Variants in DYNC2H1 observed in about 807,000 individuals in gnomAD.
The protein encoded by DYNC2H1 is cytoplasmic dynein 2 heavy chain 1.
DYNC2H1 carries 410 observed loss-of-function variants against 570.0 expected under a neutral mutation model. The observed-to-expected ratio is 0.72, with a 90% CI of 0.66 to 0.78. The LOEUF (loss-of-function observed/expected upper bound fraction) is 0.78. Among genes scored for constraint, DYNC2H1 ranks in the 30% least tolerant of loss-of-function variants. The pLI, the probability that DYNC2H1 is intolerant of heterozygous loss-of-function variation, is 0.00. For missense variants in DYNC2H1, 4,865 were observed against 5,046.4 expected (o/e 0.96, Z 1.09); for synonymous variants, 1,688 against 1,677.6 (o/e 1.01, Z -0.15).
rs144176925 is a variant in DYNC2H1, at chr11:103,462,899, A to G, written c.12649-5690A>G. Among the ~76,000 whole-genome samples, 31 of 152,332 alleles carry G rather than the reference A, an allele frequency of 2.0e-4. No individual in the cohort carries two copies. In the East Asian group the frequency reaches 6.0e-3, roughly 29 times the overall value. ...GAGGAGGGGGTAAACCTTAATAGTG[A>G]AGTGTAGCGTCATACACAAAAATGT... On this transcript the variant is annotated intron_variant, in intron 87 of 88. Coordinates refer to ENST00000375735, the MANE Select transcript of DYNC2H1 (RefSeq NM_001377.3).
chr11:103,414,396 GGATCACGA>G (rs111406910), intron 84 of DYNC2H1, among the ~76,000 whole-genome samples: 23,131 of 152,108 alleles, frequency 0.15, 1,931 homozygotes, highest in Admixed American at 0.24. Flanking sequence ...CGAGGCACAT[GGATCACGA>G]GGTCAGGAGT....
At position 103,125,104 on chromosome 11, in the gene DYNC2H1, G is replaced by A; in HGVS notation, c.1666G>A (p.Glu556Lys). The change falls in exon 12 of 89, where the codon GAG (glutamate) becomes AAG (lysine). Residue 556 changes from glutamate to lysine, a missense_variant. This residue lies in a region of DYNC2H1 where 1,936 missense variants were observed against 1,962.1 expected (regional missense o/e 0.99). Coordinates refer to ENST00000375735, the MANE Select transcript of DYNC2H1 (RefSeq NM_001377.3). ...GTTATTTATTTTGTTTTATAGTATT[G>A]AGGCTAGTAGTCGAATTATGGAATT... ...LSDSRSGLCIEASSRIMELDS... is the reference protein window; with the variant it reads ...LSDSRSGLCIKASSRIMELDS... 1 of 1,609,694 alleles carries A rather than the reference G, an allele frequency of 6.2e-7. No individual in the cohort carries two copies. Among genetic ancestry groups the A allele is most frequent in the Non-Finnish European group, 8.5e-7 (1 of 1,176,996 alleles).
At chr11:103,322,362 A>C (rs1264672954) in intron 81 of DYNC2H1, among the ~76,000 whole-genome samples, 1 of 152,166 alleles carries the variant, frequency 6.6e-6, no homozygotes, top group Non-Finnish European at 1.5e-5. Flanking sequence ...ATACATCCTA[A>C]GTGCACAATT....
chr11:103,127,983 G>A (rs1859082108), intron 12 of DYNC2H1, among the ~76,000 whole-genome samples: 1 of 152,224 alleles, frequency 6.6e-6, no homozygotes, highest in Non-Finnish European at 1.5e-5. Context: ...ATGCCTTGAT[G>A]AAGAGGTAAC....
In DYNC2H1 at chr11:103,156,647, T is replaced by TA; in HGVS notation, c.4005dup (p.Asp1336ArgfsTer2). The TA allele has an allele frequency of 6.2e-7, 1 of 1,613,578 alleles. No individual in the cohort carries two copies. The highest frequency in any genetic ancestry group is 1.7e-5 in the Admixed American group (1 of 59,972). ...ATTTGGGAAAGAAAACTTGCAGAGT[T>TA]AGATGAATACCTGCAGAATTTAAAT... On this transcript the variant is annotated frameshift_variant, in exon 26 of 89. Coordinates refer to ENST00000375735, the MANE Select transcript of DYNC2H1 (RefSeq NM_001377.3). LOFTEE classifies it high-confidence loss of function.
At position 103,220,627 on chromosome 11, in the gene DYNC2H1, T is replaced by C. The variant is rs1435752874; in HGVS notation, c.8951T>C (p.Leu2984Ser). Reference sequence around the variant, plus strand: ...AATGGCCTTTTTCTCTTTTAGCCTTTAGTCAATGAAGCTAAACTAGCAGTT... The same window carrying C: ...AATGGCCTTTTTCTCTTTTAGCCTTCAGTCAATGAAGCTAAACTAGCAGTT... The part of the protein sequence containing the change: ...IDDELKEVQP[L>S]VNEAKLAVGN... Residue 2984 changes from leucine (L) to serine (S), a missense_variant, in exon 57 of 89, where the codon TTA becomes TCA. By Grantham distance (145) the Leu-to-Ser change is moderately radical. Coordinates refer to ENST00000375735, the MANE Select transcript of DYNC2H1 (RefSeq NM_001377.3). The C allele has an allele frequency of 1.9e-6, 3 of 1,602,200 alleles. No individual in the cohort carries two copies. In the East Asian group the frequency reaches 6.7e-5, roughly 36 times the overall value.
chr11:103,330,992 C>G (rs2135460317), intron 82 of DYNC2H1, among the ~76,000 whole-genome samples: 1 of 152,232 alleles, frequency 6.6e-6, no homozygotes, highest in South Asian at 2.1e-4. Context: ...ACTCTTTTGA[C>G]AATAGAAGCC....
Position 103,358,337 on chromosome 11 carries a change from A to G in DYNC2H1, c.12134A>G (p.Asn4045Ser), listed in dbSNP as rs1240773181. The G allele has an allele frequency of 3.2e-6, 5 of 1,578,446 alleles. No homozygotes were observed. Among genetic ancestry groups the G allele is most frequent in the African/African-American group, 1.3e-5 (1 of 74,326 alleles). ...TCTAATGAACTTTCTCCTGTCCTCA[A>G]TCTCTGGAAGAAACTAAACCAGGTT... ...IWSNELSPVLNLWKKLNQNSN... is the reference protein window; with the variant it reads ...IWSNELSPVLSLWKKLNQNSN... The change falls in exon 83 of 89, where the codon AAT becomes AGT. Residue 4045 changes from asparagine (N) to serine (S), a missense_variant. Asn to Ser is a conservative substitution (Grantham distance 46). Coordinates refer to ENST00000375735, the MANE Select transcript of DYNC2H1 (RefSeq NM_001377.3).
rs919528634 is a variant in DYNC2H1, at chr11:103,185,424, A to G, written c.6633+373A>G. On this transcript the variant is annotated intron_variant, in intron 41 of 88. Coordinates refer to ENST00000375735, the MANE Select transcript of DYNC2H1 (RefSeq NM_001377.3). This position sits in a 1 kb window ranked among gnomAD's most constrained non-coding sequence, Gnocchi z 4.5. Reference sequence around the variant, plus strand: ...ACTAGAGCAGTTTTAGGAATTGGGAATATTAGGATGAATTAATTATTAATA... The same window carrying G: ...ACTAGAGCAGTTTTAGGAATTGGGAGTATTAGGATGAATTAATTATTAATA... 6.6e-5 allele frequency among the ~76,000 whole-genome samples: 10 copies of G among 151,876 alleles called. No individual in the cohort carries two copies. The highest frequency in any genetic ancestry group is 2.4e-4 in the African/African-American group (10 of 41,398).
chr11:103,265,593 A>G (rs1358418889), intron 70 of DYNC2H1, among the ~76,000 whole-genome samples: 1 of 152,114 alleles, frequency 6.6e-6, no homozygotes, highest in East Asian at 1.9e-4. Context: ...ATTGCCTTTC[A>G]ATGTATTCCT....
rs1386716213 is a variant in DYNC2H1 at position 103,200,144 on chromosome 11, T to G, written c.8187T>G (p.Leu2729=). The change falls in exon 50 of 89, where the codon CTT becomes CTG. Residue 2729 remains leucine (L), a synonymous_variant. Transcript: ENST00000375735. ...HPTFLEMINS[L]LSSGEVPGLY... is the part of the protein sequence containing the mutation. ...CATTTTTGGAGATGATCAATAGCCTTTTGTCTTCAGGCAAGTGAACAGTTT... is the reference window on the plus strand; with the variant it reads ...CATTTTTGGAGATGATCAATAGCCTGTTGTCTTCAGGCAAGTGAACAGTTT... The G allele has an allele frequency of 8.9e-6, 14 of 1,566,390 alleles. No individual in the cohort carries two copies. The highest frequency in any genetic ancestry group is 1.2e-5 in the Non-Finnish European group (14 of 1,153,782).
intron 88 of DYNC2H1, among the ~76,000 whole-genome samples, chr11:103,470,114 A>G (rs1459314557): frequency 6.6e-6 from 1 of 152,176 alleles, no homozygotes; most frequent in Non-Finnish European, 1.5e-5. Flanking sequence ...ATAGGAGACA[A>G]TGACCTGGAG....
chr11:103,236,941 T>C (rs1864245827), intron 63 of DYNC2H1, among the ~76,000 whole-genome samples: 3 of 152,026 alleles, frequency 2.0e-5, no homozygotes, highest in Admixed American at 1.3e-4. Flanking sequence ...AAGATAAGTT[T>C]TGGCTTATCA....
rs544490855 is a variant in DYNC2H1 at position 103,241,291 on chromosome 11, G to T, written c.9820-2402G>T. ...ATAGTAGATGAAGTAACGAACAAATGAGTAAATAAATGAAAGCTCAACATT... is the reference window on the plus strand; with the variant it reads ...ATAGTAGATGAAGTAACGAACAAATTAGTAAATAAATGAAAGCTCAACATT... On this transcript the variant is annotated intron_variant, in intron 63 of 88. Transcript: ENST00000375735. This position sits in a 1 kb window ranked among gnomAD's most constrained non-coding sequence, Gnocchi z 5.1. 1.3e-5 allele frequency among the ~76,000 whole-genome samples: 2 copies of T among 152,234 alleles called. No homozygotes were observed. Among genetic ancestry groups the T allele is most frequent in the African/African-American group, 4.8e-5 (2 of 41,550 alleles).
At chr11:103,222,786 T>C (rs562821981) in intron 58 of DYNC2H1, among the ~76,000 whole-genome samples, 179 bp from the exon 59 acceptor site, 2 of 152,338 alleles carry the variant, frequency 1.3e-5, no homozygotes, top group South Asian at 4.1e-4. Flanking sequence ...AAAATAGAGT[T>C]CATGTATATT....
At chr11:103,436,798 C>T (rs12295090) in intron 85 of DYNC2H1, among the ~76,000 whole-genome samples, 6,126 of 152,202 alleles carry the variant, frequency 0.04, 417 homozygotes, top group African/African-American at 0.14. Context: ...TTTCCAGTCT[C>T]TTCCTGTTCA....
chr11:103,252,733 T>C lies in DYNC2H1; in HGVS notation c.10043-552T>C, dbSNP rs988975871. Among the ~76,000 whole-genome samples, 2 of 152,218 alleles carry C rather than the reference T, an allele frequency of 1.3e-5. No homozygotes were observed. The highest frequency in any genetic ancestry group is 2.9e-5 in the Non-Finnish European group (2 of 68,034). ...TTGAATTGTATGAGTTTTTTCTTTA[T>C]ACATTTTGGATATTAACCCCTTATC... On this transcript the variant is annotated intron_variant, in intron 65 of 88. Coordinates refer to ENST00000375735, the MANE Select transcript of DYNC2H1 (RefSeq NM_001377.3). The surrounding 1 kb of genome is among the most constrained non-coding windows in gnomAD (Gnocchi z 4.6).
At chr11:103,202,108 T>C (rs1479900607) in intron 50 of DYNC2H1, among the ~76,000 whole-genome samples, 1 of 152,150 alleles carries the variant, frequency 6.6e-6, no homozygotes, top group Non-Finnish European at 1.5e-5. Flanking sequence ...GATGCTCTAA[T>C]TAGACAAGTG....
At chr11:103,421,972 A>C in intron 84 of DYNC2H1, among the ~76,000 whole-genome samples, 1 of 152,056 alleles carries the variant, frequency 6.6e-6, no homozygotes, top group East Asian at 1.9e-4. Flanking sequence ...AAGAGAGAAG[A>C]ATCTAATAAA....
Sources: gnomAD v4.1 joint callset for allele counts (sites outside exome capture counted in the v4.1 genomes callset) on GRCh38, gnomAD v4.1.1 for gene constraint, gnomAD v4.1.1 regional missense constraint, Gnocchi (gnomAD v3.1) non-coding constraint, MANE v1.5 for transcripts, NCBI Gene and HGNC (gene_info 2026-07-23, HGNC 2026-07-21) for gene names.